Variants in EIF4EBP2 observed in about 807,000 individuals in gnomAD.
EIF4EBP2 encodes the protein eukaryotic translation initiation factor 4E binding protein 2.
In EIF4EBP2, 5 loss-of-function variants were observed where a neutral mutation model predicts 10.3. That is an observed-to-expected ratio of 0.48 (90% CI 0.25 to 1.02). The LOEUF (loss-of-function observed/expected upper bound fraction) is 1.02, where lower values mean the gene tolerates loss of function less well. Among genes scored for constraint, EIF4EBP2 ranks in the 50% least tolerant of loss-of-function variants. The pLI is 0.15. For missense variants in EIF4EBP2, 188 were observed against 162.2 expected (o/e 1.16, Z -0.86); for synonymous variants, 67 against 61.1 (o/e 1.10, Z -0.45).
intron 1 of EIF4EBP2, among the ~76,000 whole-genome samples, chr10:70,405,149 T>C (rs1475610958): frequency 6.6e-6 from 1 of 152,008 alleles, no homozygotes; most frequent in Non-Finnish European, 1.5e-5. Flanking sequence ...GAGGAGAGCG[T>C]GATAAAATAA....
rs1589149182 is a variant in EIF4EBP2, at chr10:70,422,630, A to G, written c.*883A>G. The G allele has an allele frequency of 1.3e-5, 2 of 152,188 alleles. No homozygotes were observed. Among genetic ancestry groups the G allele is most frequent in the Non-Finnish European group, 2.9e-5 (2 of 68,032 alleles). The allele number at this position is 152,188 out of a possible 1,614,324, so 9.4% of individuals were successfully genotyped here. On this transcript the variant is annotated 3_prime_UTR_variant, in exon 3 of 3. Transcript: ENST00000373218. The stretch of plus-strand genomic sequence containing the variant: ...TCCTAGAGCAGGTCCATACCAAGTA[A>G]TAGAGGCACTTTAGCTTCCACTTGG...
Position 70,404,162 on chromosome 10 carries a change from TCGC to T in EIF4EBP2, c.-236_-234del, listed in dbSNP as rs1170517337. On this transcript the variant is annotated 5_prime_UTR_variant, in exon 1 of 3. Transcript: ENST00000373218. ...CTTCGCCCGCTTCCGGTCGTCGTCG[TCGC>T]CGCTGCTGCCGCTGCTGTTGCTCCT... Among the ~76,000 whole-genome samples, 1 of 152,134 alleles carries T rather than the reference TCGC, an allele frequency of 6.6e-6. No individual in the cohort carries two copies. Among genetic ancestry groups the T allele is most frequent in the Non-Finnish European group, 1.5e-5 (1 of 67,966 alleles).
At chr10:70,417,588 G>T (rs990666939) in intron 1 of EIF4EBP2, among the ~76,000 whole-genome samples, 3 of 152,074 alleles carry the variant, frequency 2.0e-5, no homozygotes, top group Non-Finnish European at 4.4e-5. Context: ...ACACATTTAG[G>T]CAGAATCTCC....
intron 1 of EIF4EBP2, among the ~76,000 whole-genome samples, chr10:70,416,468 A>G (rs1845095971): frequency 6.6e-6 from 1 of 151,480 alleles, no homozygotes; most frequent in Non-Finnish European, 1.5e-5. Flanking sequence ...AGTCCCAGGT[A>G]CTTGGGAGGC....
Position 70,426,997 on chromosome 10 carries a change from A to G in EIF4EBP2, c.*5250A>G, listed in dbSNP as rs973531818. On this transcript the variant is annotated 3_prime_UTR_variant, in exon 3 of 3. Transcript: ENST00000373218. Reference sequence around the variant, plus strand: ...TGAAGGGCTTAGCATGTTGGCAGCAATATCCCAGAGATTGAATCTGTTTGC... The same window carrying G: ...TGAAGGGCTTAGCATGTTGGCAGCAGTATCCCAGAGATTGAATCTGTTTGC... 1 of 152,252 alleles carries G rather than the reference A, an allele frequency of 6.6e-6. No individual in the cohort carries two copies. The highest frequency in any genetic ancestry group is 6.5e-5 in the Admixed American group (1 of 15,274). 9.4% of individuals were successfully genotyped at this position (152,252 alleles called of 1,614,324 possible). A position where few individuals can be genotyped will look rare whatever the true frequency, so the allele number is the denominator to read the frequency against.
At position 70,421,428 on chromosome 10, in the gene EIF4EBP2, A is replaced by G. The variant is rs181442542; in HGVS notation, c.332-288A>G. On this transcript the variant is annotated intron_variant, in intron 2 of 2. Coordinates refer to ENST00000373218, the MANE Select transcript of EIF4EBP2 (RefSeq NM_004096.5). ...AGAATGTGCTCCCCTGAGAGATGGC[A>G]AAGAGCTCCCCAAGAGCTGCTGTTT... Among the ~76,000 whole-genome samples, 825 of 152,322 alleles carry G rather than the reference A, an allele frequency of 5.4e-3. 11 individuals carry two copies. The highest frequency in any genetic ancestry group is 0.017 in the South Asian group (82 of 4,822).
Position 70,420,115 on chromosome 10 carries a change from T to C in EIF4EBP2, c.331+16T>C, listed in dbSNP as rs2137231878. On this transcript the variant is annotated intron_variant, in intron 2 of 2. Transcript: ENST00000373218. The stretch of plus-strand genomic sequence containing the variant: ...CATGCAGTTGGTAAGAGAATGGCGA[T>C]GTTGGAGACCTAGAGCGTGGCTCTT... 6.3e-7 allele frequency: 1 copy of C among 1,589,766 alleles called. No homozygotes were observed. The highest frequency in any genetic ancestry group is 1.8e-5 in the Admixed American group (1 of 56,130).
intron 1 of EIF4EBP2, 151 bp downstream of exon 1, chr10:70,404,697 C>T: frequency 1.9e-5 from 20 of 1,075,618 alleles, no homozygotes; most frequent in East Asian, 3.2e-5. Context: ...CGTTCGGGAC[C>T]CTTTACTTCG....
intron 1 of EIF4EBP2, among the ~76,000 whole-genome samples, chr10:70,410,007 A>C (rs1025498880): frequency 6.6e-6 from 1 of 152,210 alleles, no homozygotes; most frequent in Non-Finnish European, 1.5e-5. Context: ...AAAATAATCC[A>C]CTGGGAGTGA....
chr10:70,423,939 G>A lies in EIF4EBP2; in HGVS notation c.*2192G>A, dbSNP rs1427437252. On this transcript the variant is annotated 3_prime_UTR_variant, in exon 3 of 3. Transcript: ENST00000373218. ...ACATATTCTTGGAAAAACCTAAGTT[G>A]CTCTGTAATTTACATAAGAAGCATG... 1 of 152,216 alleles carries A rather than the reference G, an allele frequency of 6.6e-6. No individual in the cohort carries two copies. Among genetic ancestry groups the A allele is most frequent in the African/African-American group, 2.4e-5 (1 of 41,410 alleles). 9.4% of individuals were successfully genotyped at this position (152,216 alleles called of 1,614,324 possible).
Position 70,404,439 on chromosome 10 carries a change from A to C in EIF4EBP2, c.38A>C (p.Gln13Pro). The C allele has an allele frequency of 6.3e-7, 1 of 1,592,560 alleles. No individual in the cohort carries two copies. The change falls in exon 1 of 3, where the codon CAG becomes CCG. Residue 13 changes from glutamine to proline, a missense_variant. Coordinates refer to ENST00000373218, the MANE Select transcript of EIF4EBP2 (RefSeq NM_004096.5). ...SSAGSGHQPS[Q>P]SRAIPTRTVA... ...GCCGGCAGCGGCCACCAGCCCAGCCAGAGCCGCGCCATCCCCACCCGCACC... is the reference window on the plus strand; with the variant it reads ...GCCGGCAGCGGCCACCAGCCCAGCCCGAGCCGCGCCATCCCCACCCGCACC...
chr10:70,415,461 G>A (rs1281160480), intron 1 of EIF4EBP2, among the ~76,000 whole-genome samples: 1 of 151,260 alleles, frequency 6.6e-6, no homozygotes, highest in African/African-American at 2.4e-5. Context: ...GAACTTTAAG[G>A]GACCTAAAAT....
intron 1 of EIF4EBP2, among the ~76,000 whole-genome samples, chr10:70,408,511 C>T (rs528007981): frequency 1.3e-5 from 2 of 152,328 alleles, no homozygotes; most frequent in East Asian, 3.9e-4. Flanking sequence ...GCAATGAATA[C>T]TGTTTAGGTG....
rs567536787 is a variant in EIF4EBP2, at chr10:70,414,741, A to G, written c.146-5173A>G. 2.0e-5 allele frequency among the ~76,000 whole-genome samples: 3 copies of G among 151,712 alleles called. 1 individual carries two copies. Among genetic ancestry groups the G allele is most frequent in the African/African-American group, 7.3e-5 (3 of 41,330 alleles). On this transcript the variant is annotated intron_variant, in intron 1 of 2. Transcript: ENST00000373218. Reference sequence around the variant, plus strand: ...AAATTAGCTGGGCATGGTAGCGCATACCTGTAATCCCAGCTATTTGGGAGG... The same window carrying G: ...AAATTAGCTGGGCATGGTAGCGCATGCCTGTAATCCCAGCTATTTGGGAGG...
chr10:70,416,158 A>G (rs1589147601), intron 1 of EIF4EBP2, among the ~76,000 whole-genome samples: 1 of 152,348 alleles, frequency 6.6e-6, no homozygotes, highest in East Asian at 1.9e-4. Flanking sequence ...GCCATCAGGG[A>G]AATGCAAATT....
chr10:70,405,134 G>A (rs1185738838), intron 1 of EIF4EBP2, among the ~76,000 whole-genome samples: 1 of 152,168 alleles, frequency 6.6e-6, no homozygotes, highest in African/African-American at 2.4e-5. Flanking sequence ...GAGTCCCCAG[G>A]CCGGGAGGAG....
In EIF4EBP2 at chr10:70,404,525, C is replaced by A. The variant is rs1156291433; in HGVS notation, c.124C>A (p.Leu42Ile). The A allele has an allele frequency of 6.3e-7, 1 of 1,587,136 alleles. No individual in the cohort carries two copies. The highest frequency in any genetic ancestry group is 8.5e-7 in the Non-Finnish European group (1 of 1,170,282). ...CTATTGCACCACGCCCGGGGGGACG[C>A]TCTTCTCCACCACACCGGGAGGTGA... ...HDYCTTPGGT[L>I]FSTTPGGTRI... The change falls in exon 1 of 3, where the codon CTC (leucine) becomes ATC (isoleucine). Residue 42 changes from leucine (L) to isoleucine (I), a missense_variant. Physicochemically the swap from Leu to Ile is conservative, Grantham distance 5 (BLOSUM62 2). Coordinates refer to ENST00000373218, the MANE Select transcript of EIF4EBP2 (RefSeq NM_004096.5).
intron 1 of EIF4EBP2, among the ~76,000 whole-genome samples, chr10:70,412,742 C>G (rs1845059004): frequency 6.6e-6 from 1 of 152,128 alleles, no homozygotes; most frequent in Non-Finnish European, 1.5e-5. Flanking sequence ...CAGTTTTACT[C>G]TCATATTTCC....
At chr10:70,420,817 C>T (rs200473411) in intron 2 of EIF4EBP2, among the ~76,000 whole-genome samples, 5 of 152,214 alleles carry the variant, frequency 3.3e-5, no homozygotes, top group Admixed American at 6.5e-5. Flanking sequence ...TTTTTTGAGA[C>T]GGAGTCTTGC....
Sources: gnomAD v4.1 joint callset for allele counts (sites outside exome capture counted in the v4.1 genomes callset) on GRCh38, gnomAD v4.1.1 for gene constraint, MANE v1.5 for transcripts, NCBI Gene and HGNC (gene_info 2026-07-23, HGNC 2026-07-21) for gene names.